FOXK1: variants seen among roughly 807,000 people sequenced by gnomAD.
FOXK1 encodes forkhead box K1.
A neutral mutation model predicts 51.9 loss-of-function variants in FOXK1; 19 were observed. The ratio of observed to expected loss-of-function variants is 0.37; its 90% CI spans 0.26 to 0.54. FOXK1 has a LOEUF of 0.54. Ranked by LOEUF, FOXK1 falls within the 20% of genes least tolerant of loss-of-function variation. FOXK1 has a pLI of 0.87. For missense variants in FOXK1, 870 were observed against 1,032.7 expected (o/e 0.84, Z 2.16); for synonymous variants, 537 against 482.6 (o/e 1.11, Z -1.48).
intron 1 of FOXK1, among the ~76,000 whole-genome samples, chr7:4,690,501 A>G (rs1779877868): frequency 6.6e-6 from 1 of 152,256 alleles, no homozygotes; most frequent in Non-Finnish European, 1.5e-5. Context: ...AGTTAAAACT[A>G]TGAGCCACTT....
rs116257065 is a variant in FOXK1 at position 4,720,276 on chromosome 7, G to A, written c.561-20562G>A. On this transcript the variant is annotated intron_variant, in intron 1 of 8. Coordinates refer to ENST00000328914, the MANE Select transcript of FOXK1 (RefSeq NM_001037165.2). ...ATTTTTCAGCCATTATTTCTTTGAG[G>A]GTTTTTTGCCTCATCTGCTTTCTGT... Among the ~76,000 whole-genome samples the A allele has an allele frequency of 3.1e-3, 466 of 151,832 alleles. 2 individuals are homozygous for A. The highest frequency in any genetic ancestry group is 0.011 in the African/African-American group (446 of 41,300).
intron 1 of FOXK1, among the ~76,000 whole-genome samples, chr7:4,695,703 A>C (rs1024734916): frequency 6.6e-6 from 1 of 151,784 alleles, no homozygotes; most frequent in Non-Finnish European, 1.5e-5. Context: ...TTGGGAGGCC[A>C]ATGTGGGAGG....
In FOXK1 at chr7:4,762,543, C is replaced by A; in HGVS notation, c.*79C>A. On this transcript the variant is annotated 3_prime_UTR_variant, in exon 9 of 9. Coordinates refer to ENST00000328914, the MANE Select transcript of FOXK1 (RefSeq NM_001037165.2). The surrounding 1 kb of genome is among the most constrained non-coding windows in gnomAD (Gnocchi z 5.7). ...GACCCGGCAGCTCAGGCGGCCGCACCCACAGACGGAGGAGAACAGCCCGCG... is the reference window on the plus strand; with the variant it reads ...GACCCGGCAGCTCAGGCGGCCGCACACACAGACGGAGGAGAACAGCCCGCG... 7.0e-7 allele frequency: 1 copy of A among 1,420,790 alleles called. No homozygotes were observed. The highest frequency in any genetic ancestry group is 9.4e-7 in the Non-Finnish European group (1 of 1,063,002). The allele number at this position is 1,420,790 out of a possible 1,614,324, so 88.0% of individuals were successfully genotyped here.
chr7:4,700,502 C>A (rs1173791810), intron 1 of FOXK1, among the ~76,000 whole-genome samples: 1 of 152,124 alleles, frequency 6.6e-6, no homozygotes, highest in Non-Finnish European at 1.5e-5. Context: ...ACTAGAGATA[C>A]ATTAGAAGTA....
At chr7:4,685,525 CTTT>C (rs79117434) in intron 1 of FOXK1, among the ~76,000 whole-genome samples, 9 of 134,894 alleles carry the variant, frequency 6.7e-5, no homozygotes, top group Admixed American at 1.5e-4. Context: ...CCCGGCCTCA[CTTT>C]TTTTTTTTTT....
At chr7:4,713,505 T>G (rs1452040657) in intron 1 of FOXK1, among the ~76,000 whole-genome samples, 4 of 152,130 alleles carry the variant, frequency 2.6e-5, no homozygotes, top group Non-Finnish European at 5.9e-5. Context: ...TTTTTGTTTT[T>G]TTTTTGAGGC....
chr7:4,754,488 G>C lies in FOXK1; in HGVS notation c.776G>C (p.Arg259Pro). The stretch of plus-strand genomic sequence containing the variant: ...CCCAACTCCTGCCCAGCCAGTCCAC[G>C]CGGTGCCGGCTCCTCCAGTTACCGC... Reference protein sequence around the residue: ...SVPNSCPASPRGAGSSSYRFV... With the variant: ...SVPNSCPASPPGAGSSSYRFV... Residue 259 changes from arginine to proline, a missense_variant, in exon 3 of 9, where the codon CGC becomes CCC. Arg to Pro is a moderately radical substitution (Grantham distance 103). This residue lies in a region of FOXK1 where 399 missense variants were observed against 475.6 expected (regional missense o/e 0.84). Transcript: ENST00000328914. The C allele has an allele frequency of 6.2e-7, 1 of 1,613,178 alleles. No homozygotes were observed. Among genetic ancestry groups the C allele is most frequent in the South Asian group, 1.1e-5 (1 of 91,092 alleles).
rs1277329851 is a variant in FOXK1 at position 4,735,620 on chromosome 7, C to T, written c.561-5218C>T. 6.6e-6 allele frequency among the ~76,000 whole-genome samples: 1 copy of T among 152,142 alleles called. No homozygotes were observed. Among genetic ancestry groups the T allele is most frequent in the Non-Finnish European group, 1.5e-5 (1 of 68,028 alleles). ...CTCCACAGATGGGCACTTGCTCGTA[C>T]AGGAACCTTTCCGCCGGGCTGGTGG... On this transcript the variant is annotated intron_variant, in intron 1 of 8. Coordinates refer to ENST00000328914, the MANE Select transcript of FOXK1 (RefSeq NM_001037165.2). The surrounding 1 kb of genome is among the most constrained non-coding windows in gnomAD (Gnocchi z 4.7).
At chr7:4,694,358 G>A (rs563902347) in intron 1 of FOXK1, among the ~76,000 whole-genome samples, 1 of 152,160 alleles carries the variant, frequency 6.6e-6, no homozygotes, top group South Asian at 2.1e-4. Flanking sequence ...TCCCTCCCCA[G>A]TCTGATAGGA....
intron 1 of FOXK1, among the ~76,000 whole-genome samples, chr7:4,700,238 C>T (rs544085625): frequency 6.6e-6 from 1 of 152,190 alleles, no homozygotes; most frequent in Non-Finnish European, 1.5e-5. Flanking sequence ...ATTGCATAGC[C>T]TCAGTACATA....
rs1780220302 is a variant in FOXK1, at chr7:4,715,270, T to G, written c.561-25568T>G. ...TGTGATACGGTGCATGGTGTTTTGT[T>G]TCAAGGAGAGATCGTAAGTCATGGC... On this transcript the variant is annotated intron_variant, in intron 1 of 8. Transcript: ENST00000328914. The surrounding 1 kb of genome is among the most constrained non-coding windows in gnomAD (Gnocchi z 4.5). Among the ~76,000 whole-genome samples the G allele has an allele frequency of 6.6e-6, 1 of 152,046 alleles. No homozygotes were observed. The highest frequency in any genetic ancestry group is 1.5e-5 in the Non-Finnish European group (1 of 68,006).
At chr7:4,725,116 A>T (rs1346488148) in intron 1 of FOXK1, among the ~76,000 whole-genome samples, 2 of 152,172 alleles carry the variant, frequency 1.3e-5, no homozygotes, top group African/African-American at 4.8e-5. Context: ...CGTTGCCCTA[A>T]ACCCCACTGT....
Position 4,754,609 on chromosome 7 carries a change from C to T in FOXK1, c.897C>T (p.Ser299=). 1 of 1,603,706 alleles carries T rather than the reference C, an allele frequency of 6.2e-7. No individual in the cohort carries two copies. Among genetic ancestry groups the T allele is most frequent in the South Asian group, 1.1e-5 (1 of 91,062 alleles). ...EQQADTSGGD[S]PKDESKPPFS... ...AGGCAGACACGTCTGGAGGAGACAG[C>T]CCCAAGGTCTGAGCCCACCTGGCGC... Residue 299 remains serine (S), a synonymous_variant, in exon 3 of 9, where the codon AGC becomes AGT. Coordinates refer to ENST00000328914, the MANE Select transcript of FOXK1 (RefSeq NM_001037165.2).
intron 2 of FOXK1, among the ~76,000 whole-genome samples, chr7:4,752,081 C>T (rs1780786706): frequency 6.6e-6 from 1 of 152,244 alleles, no homozygotes; most frequent in African/African-American, 2.4e-5. Context: ...GCCTCCTGAA[C>T]AGCTGGAACT....
chr7:4,759,260 A>T (rs756351396), intron 6 of FOXK1, 43 bp downstream of exon 6: 1 of 1,603,900 alleles, frequency 6.2e-7, no homozygotes, highest in Non-Finnish European at 8.5e-7. Context: ...GCGGGGCGGG[A>T]CTCGTGGGGG....
chr7:4,721,982 C>T (rs4724032), intron 1 of FOXK1, among the ~76,000 whole-genome samples: 96,450 of 152,166 alleles, frequency 0.63, 32,842 homozygotes, highest in East Asian at 0.88. Context: ...AACGGGGACG[C>T]GCACAGCCGT....
In FOXK1 at chr7:4,763,780, G is replaced by A. The variant is rs941177791; in HGVS notation, c.*1316G>A. The stretch of plus-strand genomic sequence containing the variant: ...CGTTGAGCCAGAGCTGTCTAATGCT[G>A]AGCCCAGCTCAGGAAGGAGAGAGGA... On this transcript the variant is annotated 3_prime_UTR_variant, in exon 9 of 9. Transcript: ENST00000328914. 1 of 152,322 alleles carries A rather than the reference G, an allele frequency of 6.6e-6. No homozygotes were observed. Among genetic ancestry groups the A allele is most frequent in the Non-Finnish European group, 1.5e-5 (1 of 68,092 alleles). The allele number at this position is 152,322 out of a possible 1,614,324, so 9.4% of individuals were successfully genotyped here. A position where few individuals can be genotyped will look rare whatever the true frequency, so the allele number is the denominator to read the frequency against.
At position 4,748,253 on chromosome 7, in the gene FOXK1, G is replaced by A. The variant is rs190057842; in HGVS notation, c.747-6206G>A. Among the ~76,000 whole-genome samples, 57 of 152,214 alleles carry A rather than the reference G, an allele frequency of 3.7e-4. No homozygotes were observed. Among genetic ancestry groups the A allele is most frequent in the Middle Eastern group, 6.8e-3 (2 of 294 alleles). ...TCTCTCACTTCTGTGTCTCTGAGTC[G>A]TATTCGTACGTGACTGTCTCTTGGT... On this transcript the variant is annotated intron_variant, in intron 2 of 8. Coordinates refer to ENST00000328914, the MANE Select transcript of FOXK1 (RefSeq NM_001037165.2). This position sits in a 1 kb window ranked among gnomAD's most constrained non-coding sequence, Gnocchi z 4.9.
chr7:4,718,677 C>A (rs1444457774), intron 1 of FOXK1, among the ~76,000 whole-genome samples: 1 of 152,208 alleles, frequency 6.6e-6, no homozygotes, highest in African/African-American at 2.4e-5. Flanking sequence ...CTGCCGACCT[C>A]GCTTTCAGAG....
Sources: allele counts gnomAD v4.1 joint callset (sites outside exome capture counted in the v4.1 genomes callset), GRCh38; gene constraint gnomAD v4.1.1; regional missense constraint gnomAD v4.1.1; non-coding constraint Gnocchi (gnomAD v3.1); transcripts MANE v1.5; gene names NCBI Gene and HGNC (gene_info 2026-07-23, HGNC 2026-07-21).